The following EPG5 variants were observed in gnomAD, a reference collection of about 807,000 sequenced individuals.
EPG5 encodes ectopic P-granules 5 autophagy tethering factor.
EPG5 carries 159 observed loss-of-function variants against 302.7 expected under a neutral mutation model. That is an observed-to-expected ratio of 0.53 (90% CI 0.46 to 0.60). The LOEUF (loss-of-function observed/expected upper bound fraction) is 0.60. Among genes scored for constraint, EPG5 ranks in the 20% least tolerant of loss-of-function variants. The pLI is 0.00. For missense variants in EPG5, 2,896 were observed against 3,092.4 expected (o/e 0.94, Z 1.51); for synonymous variants, 1,158 against 1,136.8 (o/e 1.02, Z -0.37).
intron 41 of EPG5, 132 bp from the exon 42 acceptor site, chr18:45,858,200 T>C: frequency 3.0e-6 from 2 of 667,682 alleles, no homozygotes; most frequent in Non-Finnish European, 5.1e-6. Flanking sequence ...ACGGCTGATG[T>C]TAATAGAGCC....
chr18:45,901,621 G>C (rs1194585778), intron 25 of EPG5, among the ~76,000 whole-genome samples: 1 of 152,148 alleles, frequency 6.6e-6, no homozygotes, highest in African/African-American at 2.4e-5. Flanking sequence ...TGAACAGGAG[G>C]ACTGGATGCA....
chr18:45,863,783 G>A (rs2048684166), intron 39 of EPG5, among the ~76,000 whole-genome samples: 1 of 152,168 alleles, frequency 6.6e-6, no homozygotes, highest in Admixed American at 6.5e-5. Context: ...TTGCTCCTTG[G>A]TAGGTAATCT....
chr18:45,886,624 CT>C (rs2049223041), intron 29 of EPG5, among the ~76,000 whole-genome samples: 1 of 152,128 alleles, frequency 6.6e-6, no homozygotes, highest in African/African-American at 2.4e-5. Flanking sequence ...CTTCTTCATA[CT>C]TTCTATGCTG....
chr18:45,922,818 T>C (rs1232640807), intron 15 of EPG5, among the ~76,000 whole-genome samples: 16 of 152,228 alleles, frequency 1.1e-4, no homozygotes, highest in Admixed American at 1.0e-3. Context: ...TCTTAGCTCA[T>C]GTAAAAGAAA....
Position 45,951,179 on chromosome 18 carries a change from C to T in EPG5, c.1312G>A (p.Val438Ile), listed in dbSNP as rs750946464. Reference sequence around the variant, plus strand: ...ACTCTCCTGGTGAACATGAATAAGACACTAATGCATTCCTTTAGTTGACAC... The same window carrying T: ...ACTCTCCTGGTGAACATGAATAAGATACTAATGCATTCCTTTAGTTGACAC... ...DLCQLKECIS[V>I]LFMFTRRVNE... The change falls in exon 4 of 44, where the codon GTC (valine) becomes ATC (isoleucine). Residue 438 changes from valine (V) to isoleucine (I), a missense_variant. Physicochemically the swap from Val to Ile is conservative, Grantham distance 29. This residue lies in a region of EPG5 where 1,390 missense variants were observed against 1,430.0 expected (regional missense o/e 0.97). Transcript: ENST00000282041. 1.0e-5 allele frequency: 16 copies of T among 1,594,334 alleles called. No individual in the cohort carries two copies. The Admixed American group carries it at 2.8e-4, about 28-fold the overall frequency.
intron 11 of EPG5, among the ~76,000 whole-genome samples, chr18:45,934,255 C>T (rs2050466591): frequency 6.6e-6 from 1 of 152,064 alleles, no homozygotes; most frequent in African/African-American, 2.4e-5. Flanking sequence ...CACCACTCCA[C>T]TCCAACCTGG....
chr18:45,928,929 G>C lies in EPG5; in HGVS notation c.2493C>G (p.His831Gln). ...CCAGAAGGACGGAAATTATCTCAGGGTGAACAGCTGTGATAGTCCCTAAAA... is the reference window on the plus strand; with the variant it reads ...CCAGAAGGACGGAAATTATCTCAGGCTGAACAGCTGTGATAGTCCCTAAAA... Reference protein sequence around the residue: ...RELLGTITAVHPEIISVLLDR... With the variant: ...RELLGTITAVQPEIISVLLDR... The change falls in exon 13 of 44, where the codon CAC becomes CAG. Residue 831 changes from histidine (H) to glutamine (Q), a missense_variant. Physicochemically the swap from His to Gln is conservative, Grantham distance 24. Coordinates refer to ENST00000282041, the MANE Select transcript of EPG5 (RefSeq NM_020964.3). The C allele has an allele frequency of 6.2e-7, 1 of 1,613,624 alleles. No individual in the cohort carries two copies. Among genetic ancestry groups the C allele is most frequent in the Non-Finnish European group, 8.5e-7 (1 of 1,179,576 alleles).
At chr18:45,881,596 GTAAA>G (rs1211792427) in intron 31 of EPG5, among the ~76,000 whole-genome samples, 1 of 152,126 alleles carries the variant, frequency 6.6e-6, no homozygotes, top group Non-Finnish European at 1.5e-5. Context: ...GCATTAAAAA[GTAAA>G]TACTATCTCA....
chr18:45,915,712 A>G (rs1174007221), intron 19 of EPG5, 91 bp from the exon 20 acceptor site: 1 of 953,812 alleles, frequency 1.0e-6, no homozygotes, highest in Non-Finnish European at 1.6e-6. Flanking sequence ...GTCTTACTAC[A>G]ATACAAGATT....
chr18:45,879,292 T>A (rs1419628182), intron 32 of EPG5, 78 bp from the exon 33 acceptor site: 1 of 994,916 alleles, frequency 1.0e-6, no homozygotes, highest in African/African-American at 1.6e-5. Context: ...GTGATGGGGG[T>A]GTATATAGTA....
At chr18:45,911,580 C>A (rs946461531) in intron 22 of EPG5, among the ~76,000 whole-genome samples, 1 of 152,160 alleles carries the variant, frequency 6.6e-6, no homozygotes, top group African/African-American at 2.4e-5. Flanking sequence ...GCGTGAGCCA[C>A]CGCGCCTGGC....
At chr18:45,947,435 G>C (rs113903940) in intron 6 of EPG5, among the ~76,000 whole-genome samples, 1 of 152,034 alleles carries the variant, frequency 6.6e-6, no homozygotes, top group African/African-American at 2.4e-5. Flanking sequence ...AAAGGTAATG[G>C]AGAGGCTTGT....
At chr18:45,885,647 G>C (rs2049200875) in intron 29 of EPG5, among the ~76,000 whole-genome samples, 1 of 152,084 alleles carries the variant, frequency 6.6e-6, no homozygotes, top group Admixed American at 6.5e-5. Context: ...TTCACCGGCA[G>C]GAAGGCTTTC....
the EPG5 span, chr18:45,839,101 T>G: frequency 7.2e-7 from 1 of 1,390,952 alleles, no homozygotes; most frequent in African/African-American, 1.5e-5. Context: ...CCCAGGTGGG[T>G]GCGCCCCAGA....
the EPG5 span, chr18:45,837,473 C>T: frequency 2.1e-6 from 3 of 1,436,958 alleles, no homozygotes; most frequent in Non-Finnish European, 2.7e-6. Context: ...GCGCCTCGAC[C>T]CCAGGGCCCC....
At position 45,880,239 on chromosome 18, in the gene EPG5, G is replaced by T; in HGVS notation, c.5519-16C>A. ...TCCGCGGAGCCTGCCAGCAGGGACA[G>T]GAAGAGCAAGTCAGTGGCTTTCCCG... On this transcript the variant is annotated splice_polypyrimidine_tract_variant and intron_variant, in intron 31 of 43. Coordinates refer to ENST00000282041, the MANE Select transcript of EPG5 (RefSeq NM_020964.3). The T allele has an allele frequency of 6.4e-7, 1 of 1,569,874 alleles. No homozygotes were observed. Among genetic ancestry groups the T allele is most frequent in the Admixed American group, 1.9e-5 (1 of 51,810 alleles).
At chr18:45,837,425 G>C in the EPG5 span, 8 of 1,391,226 alleles carry the variant, frequency 5.8e-6, no homozygotes, top group Non-Finnish European at 7.4e-6. Context: ...TTGGGGGAGC[G>C]TTTCCTGGGT....
At chr18:45,885,198 G>A (rs1174348939) in intron 29 of EPG5, among the ~76,000 whole-genome samples, 3 of 152,086 alleles carry the variant, frequency 2.0e-5, no homozygotes, top group Non-Finnish European at 4.4e-5. Flanking sequence ...AATTAGCTGG[G>A]CGTGGTGGTG....
At chr18:45,813,889 T>C in the EPG5 span, among the ~76,000 whole-genome samples, 18 of 152,106 alleles carry the variant, frequency 1.2e-4, no homozygotes, top group African/African-American at 4.1e-4. Context: ...ATTGTGCTGA[T>C]GTACCCTAGA....
Sources: allele counts gnomAD v4.1 joint callset (sites outside exome capture counted in the v4.1 genomes callset), GRCh38; gene constraint gnomAD v4.1.1; regional missense constraint gnomAD v4.1.1; transcripts MANE v1.5; gene names NCBI Gene and HGNC (gene_info 2026-07-23, HGNC 2026-07-21).